Variants in SLC4A5 observed in about 807,000 individuals in gnomAD.
SLC4A5 encodes the protein electrogenic sodium bicarbonate cotransporter 4.
Under a neutral mutation model 120.4 loss-of-function variants are expected in SLC4A5, and 96 were observed. The ratio of observed to expected loss-of-function variants is 0.80; its 90% CI spans 0.68 to 0.94. SLC4A5 has a LOEUF of 0.94. Ranked by LOEUF, SLC4A5 falls within the 40% of genes least tolerant of loss-of-function variation. SLC4A5 has a pLI of 0.00. For missense variants in SLC4A5, 1,259 were observed against 1,459.5 expected, an observed-to-expected ratio of 0.86 and a Z score of 2.24; for synonymous variants, 550 against 571.1, an observed-to-expected ratio of 0.96 and a Z score of 0.53.
intron 8 of SLC4A5, among the ~76,000 whole-genome samples, chr2:74,269,610 G>T (rs1035333386): frequency 2.3e-4 from 34 of 148,664 alleles, no homozygotes; most frequent in Non-Finnish European, 3.7e-4. Context: ...GCCTTTTATT[G>T]TTTTTTTTTT....
chr2:74,272,300 T>C (rs984881757), intron 8 of SLC4A5, among the ~76,000 whole-genome samples: 4 of 152,158 alleles, frequency 2.6e-5, no homozygotes, highest in Non-Finnish European at 5.9e-5. Flanking sequence ...TATACTACTT[T>C]TGTATAAATT....
intron 8 of SLC4A5, among the ~76,000 whole-genome samples, chr2:74,271,091 C>G (rs1281429183): frequency 6.6e-6 from 1 of 152,176 alleles, no homozygotes; most frequent in Non-Finnish European, 1.5e-5. Flanking sequence ...CCTCATTGAG[C>G]AGGTCTGGAA....
chr2:74,254,168 G>T (rs181718724), intron 14 of SLC4A5, among the ~76,000 whole-genome samples: 10 of 152,216 alleles, frequency 6.6e-5, no homozygotes, highest in African/African-American at 1.9e-4. Context: ...CTGCTTACAG[G>T]CTCTGTGTAG....
chr2:74,278,260 G>C (rs1316173731), intron 8 of SLC4A5, among the ~76,000 whole-genome samples: 2 of 152,090 alleles, frequency 1.3e-5, no homozygotes, highest in South Asian at 2.1e-4. Context: ...GCCCTATCTG[G>C]GAAGAGCTTC....
At chr2:74,234,501 G>A (rs1267308059) in intron 22 of SLC4A5, among the ~76,000 whole-genome samples, 2 of 152,170 alleles carry the variant, frequency 1.3e-5, no homozygotes, top group Non-Finnish European at 2.9e-5. Flanking sequence ...TGAGGGAGTA[G>A]GGCTGGGTTT....
intron 26 of SLC4A5, 185 bp downstream of exon 26, chr2:74,227,625 T>G: frequency 2.2e-6 from 3 of 1,342,720 alleles, no homozygotes; most frequent in South Asian, 2.5e-5. Context: ...GCCTATGAAG[T>G]GCCTAACATA....
intron 11 of SLC4A5, among the ~76,000 whole-genome samples, chr2:74,259,932 G>C (rs988015913): frequency 2.0e-5 from 3 of 152,168 alleles, no homozygotes; most frequent in African/African-American, 7.2e-5. Flanking sequence ...TCACCAGGCT[G>C]TCTACTCTGG....
intron 8 of SLC4A5, among the ~76,000 whole-genome samples, chr2:74,280,041 C>T (rs1486111757): frequency 2.0e-5 from 3 of 152,170 alleles, no homozygotes; most frequent in Non-Finnish European, 2.9e-5. Flanking sequence ...CGATTCTGTC[C>T]TTTTCCCACC....
chr2:74,247,159 A>G, exon 19 of SLC4A5: 1 of 1,614,196 alleles, frequency 6.2e-7, no homozygotes, highest in Non-Finnish European at 8.5e-7. Context: ...ATGAAGATGA[A>G]GCTGATAAGG....
chr2:74,233,516 G>A (rs1176054710), exon 23 of SLC4A5: 7 of 1,614,006 alleles, frequency 4.3e-6, no homozygotes, highest in Non-Finnish European at 5.9e-6. Context: ...CCCACCACGG[G>A]TTCTTCCCAA....
chr2:74,306,644 GTTCAT>G, intron 6 of SLC4A5: 2 of 487,402 alleles, frequency 4.1e-6, no homozygotes, highest in East Asian at 5.4e-5. Context: ...AGGTTTGATA[GTTCAT>G]TTCTTTTTTT....
chr2:74,251,469 T>TAA lies in SLC4A5; in HGVS notation c.1478+708_1478+709dup, dbSNP rs397968092. Among the ~76,000 whole-genome samples, 10 of 143,886 alleles carry TAA rather than the reference T, an allele frequency of 6.9e-5. 1 individual carries two copies. In the South Asian group the frequency reaches 2.2e-3, roughly 32 times the overall value. The allele number at this position is 143,886 out of a possible 152,430, so 94.4% of individuals were successfully genotyped here. Reference sequence around the variant, plus strand: ...CAGGAGAACTTTCTCTTATTTTCTTTAAAAAAAAAAAAAGTTTTTGAATAG... The same window carrying TAA: ...CAGGAGAACTTTCTCTTATTTTCTTTAAAAAAAAAAAAAAAGTTTTTGAATAG... On this transcript the variant is annotated intron_variant, in intron 16 of 30. Transcript: ENST00000394019.
chr2:74,266,647 C>T (rs1337912211), intron 8 of SLC4A5, among the ~76,000 whole-genome samples: 1 of 152,040 alleles, frequency 6.6e-6, no homozygotes, highest in Non-Finnish European at 1.5e-5. Flanking sequence ...CTACTTTTCA[C>T]CAAACACAAT....
At chr2:74,280,023 G>C (rs970806202) in intron 8 of SLC4A5, among the ~76,000 whole-genome samples, 2 of 151,988 alleles carry the variant, frequency 1.3e-5, no homozygotes, top group East Asian at 3.9e-4. Flanking sequence ...CTCTCTTAAG[G>C]ATATGCACGA....
chr2:74,318,542 C>T (rs941830088), intron 5 of SLC4A5, among the ~76,000 whole-genome samples: 2 of 151,986 alleles, frequency 1.3e-5, no homozygotes, highest in African/African-American at 2.4e-5. Context: ...AAAAATTAGC[C>T]AGGTGTGGTG....
intron 2 of SLC4A5, among the ~76,000 whole-genome samples, 182 bp downstream of exon 2, chr2:74,342,276 G>A (rs1242314292): frequency 6.6e-6 from 1 of 152,208 alleles, no homozygotes; most frequent in Non-Finnish European, 1.5e-5. Flanking sequence ...CTAGTGCAGT[G>A]GAGATGTATG....
intron 6 of SLC4A5, among the ~76,000 whole-genome samples, chr2:74,313,332 G>T (rs930106914): frequency 6.6e-6 from 1 of 152,018 alleles, no homozygotes; most frequent in Non-Finnish European, 1.5e-5. Flanking sequence ...TTCAAATAAC[G>T]CTATACTGTT....
chr2:74,326,922 A>G (rs1673230979), intron 5 of SLC4A5, among the ~76,000 whole-genome samples: 1 of 152,192 alleles, frequency 6.6e-6, no homozygotes, highest in African/African-American at 2.4e-5. Flanking sequence ...GGTGGTGGTG[A>G]CACAGCTAGC....
At chr2:74,256,011 G>A in intron 12 of SLC4A5, 79 bp from the exon 13 acceptor site, 1 of 1,517,282 alleles carries the variant, frequency 6.6e-7, no homozygotes, top group Non-Finnish European at 9.0e-7. Flanking sequence ...AGACTGCTTT[G>A]AGGCCTAACT....
Sources: gnomAD v4.1 joint callset for allele counts (sites outside exome capture counted in the v4.1 genomes callset) on GRCh38, gnomAD v4.1.1 for gene constraint, MANE v1.5 for transcripts, NCBI Gene and HGNC (gene_info 2026-07-23, HGNC 2026-07-21) for gene names.